The following ZC3H7A variants were observed in gnomAD, a reference collection of about 807,000 sequenced individuals.
The protein encoded by ZC3H7A is zinc finger CCCH-type containing 7A.
In ZC3H7A, 44 loss-of-function variants were observed where a neutral mutation model predicts 125.5. That is an observed-to-expected ratio of 0.35 (90% CI 0.28 to 0.45). ZC3H7A has a LOEUF of 0.45. Among genes scored for constraint, ZC3H7A ranks in the 20% least tolerant of loss-of-function variants. The probability of loss-of-function intolerance (pLI) is 1.00; values close to 1 mark genes in which losing one functional copy is unlikely to be tolerated. For synonymous variants in ZC3H7A, 399 were observed against 391.2 expected, an observed-to-expected ratio of 1.02 and a Z score of -0.23; for missense variants, 977 against 1,170.7, an observed-to-expected ratio of 0.83 and a Z score of 2.41.
In ZC3H7A at chr16:11,781,298, TA is replaced by T. The variant is rs2053169776; in HGVS notation, c.108+126del. 6.4e-6 allele frequency: 5 copies of T among 784,418 alleles called. No individual in the cohort carries two copies. The South Asian group carries it at 9.0e-5, about 14-fold the overall frequency. 48.6% of individuals were successfully genotyped at this position (784,418 alleles called of 1,614,324 possible). On this transcript the variant is annotated intron_variant, in intron 3 of 22. Coordinates refer to ENST00000355758, the MANE Select transcript of ZC3H7A (RefSeq NM_014153.4). ...TTATTTGCAAAAAAATAAAATAAAA[TA>T]AAATAAAATAAAAGGACAGCAGGCC...
rs995014703 is a variant in ZC3H7A at position 11,755,522 on chromosome 16, G to C, written c.2562+715C>G. 2.0e-5 allele frequency among the ~76,000 whole-genome samples: 3 copies of C among 152,154 alleles called. No homozygotes were observed. The South Asian group carries it at 6.2e-4, about 31-fold the overall frequency. On this transcript the variant is annotated intron_variant, in intron 21 of 22. Coordinates refer to ENST00000355758, the MANE Select transcript of ZC3H7A (RefSeq NM_014153.4). ...TAGAGGGAGAGGCCAGACTGCAGGC[G>C]TAAGCGGGGAATGTAAGGTCCAGCG...
At chr16:11,754,321 A>ATAT (rs1555493021) in intron 21 of ZC3H7A, among the ~76,000 whole-genome samples, 59 of 140,476 alleles carry the variant, frequency 4.2e-4, no homozygotes, top group East Asian at 3.1e-3. Flanking sequence ...AAGAAAAAAA[A>ATAT]ATATATATAT....
At chr16:11,763,120 T>A in intron 16 of ZC3H7A, 1 of 249,368 alleles carries the variant, frequency 4.0e-6, no homozygotes. Context: ...TTTGTTTTTT[T>A]TTTTTTTGAG....
At chr16:11,768,570 A>T (rs2052909916) in intron 11 of ZC3H7A, 69 bp from the exon 12 acceptor site, 1 of 1,301,260 alleles carries the variant, frequency 7.7e-7, no homozygotes, top group Middle Eastern at 2.4e-4. Context: ...TGAAGAAAGG[A>T]ACTGAATTCA....
intron 1 of ZC3H7A, 93 bp from the exon 2 acceptor site, chr16:11,782,481 A>T (rs961196933): frequency 2.0e-6 from 2 of 1,020,880 alleles, no homozygotes; most frequent in African/African-American, 3.2e-5. Context: ...TCACACAATC[A>T]GCTGTGGACA....
chr16:11,785,984 T>C (rs2053251303), intron 1 of ZC3H7A, among the ~76,000 whole-genome samples: 1 of 152,060 alleles, frequency 6.6e-6, no homozygotes, highest in Admixed American at 6.6e-5. Flanking sequence ...AAACATAAAA[T>C]AGTCCCAGAT....
At chr16:11,780,707 A>C (rs2053160780) in intron 3 of ZC3H7A, among the ~76,000 whole-genome samples, 1 of 152,186 alleles carries the variant, frequency 6.6e-6, no homozygotes, top group Admixed American at 6.5e-5. Context: ...ACAAGAGAGA[A>C]GAAAAGGGGA....
chr16:11,791,800 C>T (rs927547680), intron 1 of ZC3H7A, among the ~76,000 whole-genome samples: 8 of 152,094 alleles, frequency 5.3e-5, no homozygotes, highest in South Asian at 2.1e-4. Flanking sequence ...CTGGAGACAG[C>T]GACGGAAAAA....
intron 1 of ZC3H7A, among the ~76,000 whole-genome samples, chr16:11,792,734 C>T (rs551641546): frequency 1.3e-5 from 2 of 152,198 alleles, no homozygotes; most frequent in Admixed American, 6.5e-5. Context: ...TAGCAGAGCT[C>T]AATTTCAAAG....
intron 1 of ZC3H7A, among the ~76,000 whole-genome samples, chr16:11,785,499 C>T (rs2053243860): frequency 6.6e-6 from 1 of 151,792 alleles, no homozygotes; most frequent in African/African-American, 2.4e-5. Flanking sequence ...GAGTGAGACC[C>T]TGTCTCAAAA....
chr16:11,790,364 ATTGT>A (rs973200468), intron 1 of ZC3H7A, among the ~76,000 whole-genome samples: 13 of 152,252 alleles, frequency 8.5e-5, no homozygotes, highest in African/African-American at 3.1e-4. Context: ...TTGTCTGTGA[ATTGT>A]TTGCTCATAC....
intron 1 of ZC3H7A, among the ~76,000 whole-genome samples, chr16:11,795,542 T>C (rs1177676621): frequency 6.6e-6 from 1 of 152,086 alleles, no homozygotes; most frequent in Non-Finnish European, 1.5e-5. Flanking sequence ...TTCAAACGAT[T>C]CTCCTGCCTC....
chr16:11,765,778 GC>G lies in ZC3H7A; in HGVS notation c.1523-94del. ...AGGCTGAGGTGGGAGGATCCCTTGAGCCCAGGAGTTCAAGGCTGCGGTGAGC... is the reference window on the plus strand; with the variant it reads ...AGGCTGAGGTGGGAGGATCCCTTGAGCCAGGAGTTCAAGGCTGCGGTGAGC... On this transcript the variant is annotated intron_variant, in intron 13 of 22. Coordinates refer to ENST00000355758, the MANE Select transcript of ZC3H7A (RefSeq NM_014153.4). The surrounding 1 kb of genome is among the most constrained non-coding windows in gnomAD (Gnocchi z 4.8). 7.8e-7 allele frequency: 1 copy of G among 1,281,624 alleles called. No homozygotes were observed. Among genetic ancestry groups the G allele is most frequent in the South Asian group, 1.5e-5 (1 of 65,160 alleles). 79.4% of individuals were successfully genotyped at this position (1,281,624 alleles called of 1,614,324 possible).
At chr16:11,784,601 A>C (rs539849050) in intron 1 of ZC3H7A, among the ~76,000 whole-genome samples, 1 of 152,208 alleles carries the variant, frequency 6.6e-6, no homozygotes, top group African/African-American at 2.4e-5. Context: ...CGCGCCTGTA[A>C]TCCAGCACTT....
intron 9 of ZC3H7A, among the ~76,000 whole-genome samples, 183 bp downstream of exon 9, chr16:11,774,050 CTTT>C (rs1477808412): frequency 6.6e-6 from 1 of 151,790 alleles, no homozygotes; most frequent in Non-Finnish European, 1.5e-5. Flanking sequence ...AGATAGCATT[CTTT>C]TTTTATTTCA....
chr16:11,752,866 C>T (rs367926238), intron 21 of ZC3H7A, 34 bp from the exon 22 acceptor site: 9 of 1,597,966 alleles, frequency 5.6e-6, no homozygotes, highest in African/African-American at 2.7e-5. Flanking sequence ...TCCCATTAGT[C>T]ACCTGATGTG....
intron 20 of ZC3H7A, among the ~76,000 whole-genome samples, chr16:11,756,608 C>A (rs1163024218): frequency 6.6e-6 from 1 of 152,204 alleles, no homozygotes; most frequent in Non-Finnish European, 1.5e-5. Context: ...GATTAATTAA[C>A]CCCTCCCTGC....
At chr16:11,766,487 A>G (rs912268502) in intron 13 of ZC3H7A, among the ~76,000 whole-genome samples, 2 of 152,174 alleles carry the variant, frequency 1.3e-5, no homozygotes, top group African/African-American at 4.8e-5. Flanking sequence ...AATTGCTTGA[A>G]CCTGGGAAGC....
intron 15 of ZC3H7A, 125 bp downstream of exon 15, chr16:11,764,928 G>T: frequency 3.2e-6 from 2 of 616,616 alleles, no homozygotes; most frequent in South Asian, 2.4e-5. Flanking sequence ...TTTTGTCATT[G>T]TTCTTCAAAA....
Sources: gnomAD v4.1 joint callset for allele counts (sites outside exome capture counted in the v4.1 genomes callset) on GRCh38, gnomAD v4.1.1 for gene constraint, Gnocchi (gnomAD v3.1) non-coding constraint, MANE v1.5 for transcripts, NCBI Gene and HGNC (gene_info 2026-07-23, HGNC 2026-07-21) for gene names.